The following SUCO variants were observed in gnomAD, a reference collection of about 807,000 sequenced individuals.
The protein encoded by SUCO is SUN domain containing ossification factor.
In SUCO, 57 loss-of-function variants were observed where a neutral mutation model predicts 148.1. That is an observed-to-expected ratio of 0.38 (90% confidence interval 0.31 to 0.48). The LOEUF (loss-of-function observed/expected upper bound fraction) is 0.48, where lower values mean the gene tolerates loss of function less well. SUCO is among the 20% of genes least tolerant of loss of function. The pLI is 0.96. For missense variants in SUCO, 1,331 were observed against 1,468.2 expected, an observed-to-expected ratio of 0.91 and a Z score of 1.53; for synonymous variants, 470 against 502.7, an observed-to-expected ratio of 0.93 and a Z score of 0.87.
chr1:172,572,426 G>A (rs1655097537), intron 9 of SUCO, among the ~76,000 whole-genome samples: 1 of 151,366 alleles, frequency 6.6e-6, no homozygotes, highest in African/African-American at 2.4e-5. Flanking sequence ...CCTGAAACAT[G>A]TGCTGTGTCC....
intron 6 of SUCO, among the ~76,000 whole-genome samples, chr1:172,568,764 T>G (rs906643298): frequency 2.0e-5 from 3 of 152,158 alleles, no homozygotes; most frequent in Non-Finnish European, 2.9e-5. Flanking sequence ...ATAAATTATT[T>G]TTTTCAACGA....
In SUCO at chr1:172,533,162, T is replaced by C. The variant is rs528631046; in HGVS notation, c.-274T>C. On this transcript the variant is annotated 5_prime_UTR_variant, in exon 1 of 24. Transcript: ENST00000263688. The stretch of plus-strand genomic sequence containing the variant: ...GGGCGGGGAGGATATGGGGCGGCAG[T>C]GGCGGCTGCAGGAGGCGGGCGTGGA... 1 of 1,470,298 alleles carries C rather than the reference T, an allele frequency of 6.8e-7. No homozygotes were observed. The highest frequency in any genetic ancestry group is 1.4e-5 in the South Asian group (1 of 73,336). 91.1% of individuals were successfully genotyped at this position (1,470,298 alleles called of 1,614,324 possible).
At position 172,573,988 on chromosome 1, in the gene SUCO, A is replaced by G. The variant is rs1226464422; in HGVS notation, c.1147A>G (p.Ile383Val). The stretch of plus-strand genomic sequence containing the variant: ...TACTCCTAAAGATTTTCTGGTTTCT[A>G]TCAGTGACAGGTAAATTCTAAAGCT... ...SSTPKDFLVS[I>V]SDRYPTNKWI... Residue 383 changes from isoleucine to valine, a missense_variant, in exon 10 of 24, where the codon ATC (isoleucine) becomes GTC (valine). This residue lies in a region of SUCO where 992 missense variants were observed against 1,093.5 expected (regional missense o/e 0.91). Coordinates refer to ENST00000263688, the MANE Select transcript of SUCO (RefSeq NM_014283.5). The G allele has an allele frequency of 1.9e-6, 3 of 1,555,938 alleles. No homozygotes were observed. The highest frequency in any genetic ancestry group is 2.7e-6 in the Non-Finnish European group (3 of 1,131,122).
chr1:172,586,186 C>CT, intron 17 of SUCO, among the ~76,000 whole-genome samples: 1 of 152,086 alleles, frequency 6.6e-6, no homozygotes, highest in Non-Finnish European at 1.5e-5. Context: ...TTATATATTA[C>CT]TTTCATTATT....
At chr1:172,538,482 A>G (rs898897181) in intron 1 of SUCO, among the ~76,000 whole-genome samples, 2 of 152,206 alleles carry the variant, frequency 1.3e-5, no homozygotes. Context: ...AATAGAGCAT[A>G]TTGGAAACAT....
chr1:172,570,563 G>A (rs539496368), intron 8 of SUCO, 100 bp from the exon 9 acceptor site: 2 of 787,772 alleles, frequency 2.5e-6, no homozygotes, highest in African/African-American at 3.5e-5. Context: ...GTGTACTTAA[G>A]ATCTAAAAAT....
intron 6 of SUCO, among the ~76,000 whole-genome samples, chr1:172,560,096 C>T (rs1654040707): frequency 6.6e-6 from 1 of 152,178 alleles, no homozygotes; most frequent in African/African-American, 2.4e-5. Context: ...CTGATAGGGG[C>T]CCAGAGACAG....
In SUCO at chr1:172,536,758, T is replaced by C. The variant is rs185802286; in HGVS notation, c.62+3261T>C. Among the ~76,000 whole-genome samples the C allele has an allele frequency of 4.3e-3, 656 of 152,292 alleles. 1 individual carries two copies. Among genetic ancestry groups the C allele is most frequent in the Non-Finnish European group, 8.1e-3 (552 of 68,014 alleles). On this transcript the variant is annotated intron_variant, in intron 1 of 23. Coordinates refer to ENST00000263688, the MANE Select transcript of SUCO (RefSeq NM_014283.5). ...AAGTTAAGATGTCAACTGGGCTCGT[T>C]CTTTTTGGAGGCTCTGAGGGGAGAA...
At chr1:172,558,206 G>A (rs1455084415) in intron 6 of SUCO, among the ~76,000 whole-genome samples, 1 of 152,070 alleles carries the variant, frequency 6.6e-6, no homozygotes, top group Non-Finnish European at 1.5e-5. Context: ...TATTTTAATG[G>A]AACATTTTAC....
chr1:172,591,146 T>A lies in SUCO; in HGVS notation c.2913+75T>A, dbSNP rs921481171. 2.7e-6 allele frequency: 3 copies of A among 1,123,684 alleles called. No individual in the cohort carries two copies. The African/African-American group carries it at 4.7e-5, about 18-fold the overall frequency. 69.6% of individuals were successfully genotyped at this position (1,123,684 alleles called of 1,614,324 possible). ...TCTGTAGGGTCTCACTGGTAAACAG[T>A]AAGTATTGTAGTTTCACTTTTTCCC... On this transcript the variant is annotated intron_variant, in intron 19 of 23. Transcript: ENST00000263688.
chr1:172,610,153 T>C lies in SUCO; in HGVS notation c.3659T>C (p.Ile1220Thr), dbSNP rs1658125816. ...QDQGKLIKTL[I>T]QTKSGSLPSL... ...CAAGGAAAATTGATAAAAACTCTAA[T>C]ACAGACTAAGTCGGGATCATTGCCG... Residue 1220 changes from isoleucine (I) to threonine (T), a missense_variant, in exon 24 of 24, where the codon ATA (isoleucine) becomes ACA (threonine). Transcript: ENST00000263688. 1 of 1,613,630 alleles carries C rather than the reference T, an allele frequency of 6.2e-7. No homozygotes were observed. The highest frequency in any genetic ancestry group is 8.5e-7 in the Non-Finnish European group (1 of 1,179,804).
chr1:172,594,133 A>T (rs1656893204), intron 19 of SUCO, among the ~76,000 whole-genome samples: 1 of 151,888 alleles, frequency 6.6e-6, no homozygotes, highest in African/African-American at 2.4e-5. Context: ...CCCCTTTATC[A>T]ATTTTTTTGC....
chr1:172,540,189 G>C (rs917769115), intron 1 of SUCO, among the ~76,000 whole-genome samples: 1 of 152,214 alleles, frequency 6.6e-6, no homozygotes, highest in African/African-American at 2.4e-5. Flanking sequence ...AACAGAGCCA[G>C]AACTAAGAAG....
chr1:172,557,670 T>C lies in SUCO; in HGVS notation c.608T>C (p.Val203Ala). ...DSLVGQHIEN[V>A]SSSHGKGKIT... ...CTTGTTGGCCAGCATATAGAAAATG[T>C]ATCATCTTCACATGGTAAAGGAAAG... The change falls in exon 6 of 24, where the codon GTA becomes GCA. Residue 203 changes from valine to alanine, a missense_variant. Val to Ala is a moderately conservative substitution (Grantham distance 64). This residue lies in a region of SUCO where 992 missense variants were observed against 1,093.5 expected (regional missense o/e 0.91). Transcript: ENST00000263688. The C allele has an allele frequency of 6.2e-7, 1 of 1,604,766 alleles. No homozygotes were observed.
At chr1:172,603,524 A>G (rs940088407) in intron 22 of SUCO, among the ~76,000 whole-genome samples, 4 of 151,984 alleles carry the variant, frequency 2.6e-5, no homozygotes, top group African/African-American at 9.7e-5. Flanking sequence ...TATTATCACA[A>G]AGCTTTACAG....
chr1:172,587,783 A>G (rs1250429925), intron 17 of SUCO, among the ~76,000 whole-genome samples: 1 of 152,068 alleles, frequency 6.6e-6, no homozygotes, highest in Non-Finnish European at 1.5e-5. Flanking sequence ...GAATGGGAAA[A>G]TGTGTGTTTG....
At chr1:172,569,856 G>A in intron 7 of SUCO, 191 bp from the exon 8 acceptor site, 1 of 220,018 alleles carries the variant, frequency 4.5e-6, no homozygotes, top group Non-Finnish European at 7.7e-6. Flanking sequence ...TTGTTTTGGG[G>A]GGATATTTTA....
intron 1 of SUCO, among the ~76,000 whole-genome samples, chr1:172,535,620 A>G (rs574323827): frequency 7.2e-5 from 11 of 152,286 alleles, no homozygotes; most frequent in Admixed American, 6.5e-5. Flanking sequence ...GCTACCAACA[A>G]GTCCTAGGGT....
At chr1:172,577,904 T>A (rs1433533835) in intron 13 of SUCO, 85 bp downstream of exon 13, 1 of 1,053,182 alleles carries the variant, frequency 9.5e-7, no homozygotes, top group East Asian at 2.6e-5. Flanking sequence ...AAGAAATAAT[T>A]TTCTCTTACG....
Sources: gnomAD v4.1 joint callset for allele counts (sites outside exome capture counted in the v4.1 genomes callset) on GRCh38, gnomAD v4.1.1 for gene constraint, gnomAD v4.1.1 regional missense constraint, MANE v1.5 for transcripts, NCBI Gene and HGNC (gene_info 2026-07-23, HGNC 2026-07-21) for gene names.